IGF1R: variants seen among roughly 807,000 people sequenced by gnomAD.
The protein encoded by IGF1R is insulin-like growth factor 1 receptor.
In IGF1R, 44 loss-of-function variants were observed where a neutral mutation model predicts 144.6. The ratio of observed to expected loss-of-function variants is 0.30; its 90% CI spans 0.24 to 0.39. IGF1R has a LOEUF of 0.39. IGF1R is among the 10% of genes least tolerant of loss of function. The pLI, the probability that IGF1R is intolerant of heterozygous loss-of-function variation, is 1.00. For synonymous variants in IGF1R, 795 were observed against 722.8 expected (o/e 1.10, Z -1.60); for missense variants, 1,355 against 1,833.7 (o/e 0.74, Z 4.77).
rs1436392087 is a variant in IGF1R at position 98,958,144 on chromosome 15, C to G, written c.*702C>G. The G allele has an allele frequency of 2.1e-5, 5 of 233,560 alleles. No homozygotes were observed. The highest frequency in any genetic ancestry group is 4.4e-5 in the African/African-American group (2 of 45,320). The allele number at this position is 233,560 out of a possible 1,614,324, so 14.5% of individuals were successfully genotyped here. A position where few individuals can be genotyped will look rare whatever the true frequency, so the allele number is the denominator to read the frequency against. The stretch of plus-strand genomic sequence containing the variant: ...TTGAGAGACACGCTGGCGACACACT[C>G]CGTCCATCCGACTGCCCCTGCTGTG... On this transcript the variant is annotated 3_prime_UTR_variant, in exon 21 of 21. Transcript: ENST00000650285.
At chr15:98,846,043 A>G (rs2011314766) in intron 2 of IGF1R, among the ~76,000 whole-genome samples, 1 of 152,202 alleles carries the variant, frequency 6.6e-6, no homozygotes, top group South Asian at 2.1e-4. Flanking sequence ...TTGTTTTTCT[A>G]AAAGACAGTA....
intron 2 of IGF1R, among the ~76,000 whole-genome samples, chr15:98,712,731 T>G (rs12906223): frequency 0.51 from 76,914 of 151,076 alleles, 20,786 homozygotes; most frequent in Non-Finnish European, 0.6. Flanking sequence ...TGCCTCAGCC[T>G]CCTGAGTAGC....
intron 2 of IGF1R, among the ~76,000 whole-genome samples, chr15:98,735,790 T>A (rs2054596149): frequency 6.6e-6 from 1 of 152,200 alleles, no homozygotes; most frequent in South Asian, 2.1e-4. Context: ...GATACAGTAT[T>A]TAGAGAGGGA....
At chr15:98,780,569 AAAAAAAGAGAGAG>A (rs1314093404) in intron 2 of IGF1R, among the ~76,000 whole-genome samples, 5 of 31,232 alleles carry the variant, frequency 1.6e-4, no homozygotes, top group Non-Finnish European at 8.9e-4. Flanking sequence ...AAAAAAAAAA[AAAAAAAGAGAGAG>A]AGAGTAAATA....
chr15:98,887,484 A>G (rs1448912652), intron 2 of IGF1R, among the ~76,000 whole-genome samples: 1 of 152,130 alleles, frequency 6.6e-6, no homozygotes, highest in African/African-American at 2.4e-5. Context: ...ACATCATTTT[A>G]TATAATGTTT....
chr15:98,888,953 G>A (rs1414152093), intron 2 of IGF1R, among the ~76,000 whole-genome samples: 1 of 152,180 alleles, frequency 6.6e-6, no homozygotes, highest in East Asian at 1.9e-4. Context: ...TGAGCTCCAA[G>A]CATTACTACT....
intron 20 of IGF1R, chr15:98,954,234 C>G (rs2016889644): frequency 1.3e-5 from 2 of 151,900 alleles, no homozygotes; most frequent in African/African-American, 2.4e-5. Flanking sequence ...CACCCAGCCT[C>G]CGGGGGGGGT....
At chr15:98,712,963 G>A (rs2054029862) in intron 2 of IGF1R, among the ~76,000 whole-genome samples, 1 of 150,212 alleles carries the variant, frequency 6.7e-6, no homozygotes, top group Non-Finnish European at 1.5e-5. Flanking sequence ...CCTGTAGCAA[G>A]TCCCTATAGG....
At chr15:98,681,065 T>C (rs1320530348) in intron 1 of IGF1R, among the ~76,000 whole-genome samples, 5 of 152,156 alleles carry the variant, frequency 3.3e-5, no homozygotes, top group Non-Finnish European at 7.3e-5. Context: ...GGCTATACCA[T>C]TGAGGTGTAA....
At chr15:98,759,621 G>A (rs1299657963) in intron 2 of IGF1R, among the ~76,000 whole-genome samples, 1 of 152,228 alleles carries the variant, frequency 6.6e-6, no homozygotes, top group Non-Finnish European at 1.5e-5. Flanking sequence ...TATGTCAGAA[G>A]ATTTCTTAAC....
At chr15:98,789,615 A>G (rs1344948469) in intron 2 of IGF1R, among the ~76,000 whole-genome samples, 2 of 152,198 alleles carry the variant, frequency 1.3e-5, no homozygotes, top group Non-Finnish European at 2.9e-5. Flanking sequence ...TGCAACAGTG[A>G]CTTCTGATGT....
intron 2 of IGF1R, among the ~76,000 whole-genome samples, chr15:98,788,060 C>CGGG: frequency 7.7e-6 from 1 of 130,630 alleles, no homozygotes; most frequent in Non-Finnish European, 1.6e-5. Flanking sequence ...CTCTCTCTCT[C>CGGG]TCTGTGTGTG....
intron 2 of IGF1R, among the ~76,000 whole-genome samples, chr15:98,740,634 A>G (rs1401082828): frequency 6.6e-6 from 1 of 152,250 alleles, no homozygotes; most frequent in Non-Finnish European, 1.5e-5. Flanking sequence ...TTTATTAACA[A>G]TAAATATGCG....
At chr15:98,933,519 TAG>T (rs2016023860) in intron 15 of IGF1R, among the ~76,000 whole-genome samples, 1 of 152,120 alleles carries the variant, frequency 6.6e-6, no homozygotes, top group Non-Finnish European at 1.5e-5. Context: ...AATTTTTTAA[TAG>T]AGACAGTGTT....
chr15:98,679,982 TAG>T (rs1324336571), intron 1 of IGF1R, among the ~76,000 whole-genome samples: 1 of 151,900 alleles, frequency 6.6e-6, no homozygotes, highest in African/African-American at 2.4e-5. Context: ...AAAAAGCTTA[TAG>T]AATAAGAATA....
chr15:98,699,034 G>A (rs1167189071), intron 1 of IGF1R, among the ~76,000 whole-genome samples: 1 of 152,216 alleles, frequency 6.6e-6, no homozygotes, highest in African/African-American at 2.4e-5. Context: ...GGGGACACAG[G>A]GCCGACTTTT....
intron 2 of IGF1R, among the ~76,000 whole-genome samples, chr15:98,768,763 CAAAAAA>C (rs72476452): frequency 2.3e-5 from 2 of 86,258 alleles, no homozygotes; most frequent in African/African-American, 9.0e-5. Context: ...ACTAAAAATA[CAAAAAA>C]AAAAAAAAAA....
At chr15:98,785,442 T>A (rs545773001) in intron 2 of IGF1R, among the ~76,000 whole-genome samples, 2 of 152,324 alleles carry the variant, frequency 1.3e-5, no homozygotes, top group South Asian at 4.1e-4. Flanking sequence ...TAGAAAACAT[T>A]CATGATTTCA....
chr15:98,928,481 A>C (rs1410033614), intron 13 of IGF1R, among the ~76,000 whole-genome samples: 1 of 151,830 alleles, frequency 6.6e-6, no homozygotes, highest in Non-Finnish European at 1.5e-5. Context: ...GCTTTCGCTG[A>C]CTCCTTTTAA....
Sources: allele counts gnomAD v4.1 joint callset (sites outside exome capture counted in the v4.1 genomes callset), GRCh38; gene constraint gnomAD v4.1.1; transcripts MANE v1.5; gene names NCBI Gene and HGNC (gene_info 2026-07-23, HGNC 2026-07-21).